NRDE2: variants seen among roughly 807,000 people sequenced by gnomAD.
NRDE2 encodes nuclear exosome regulator NRDE2.
In NRDE2, 76 loss-of-function variants were observed where a neutral mutation model predicts 124.2. That is an observed-to-expected ratio of 0.61 (90% CI 0.51 to 0.74). The LOEUF (loss-of-function observed/expected upper bound fraction) is 0.74. NRDE2 is among the 30% of genes least tolerant of loss of function. The pLI is 0.00. For synonymous variants in NRDE2, 489 were observed against 528.1 expected (o/e 0.93, Z 1.01); for missense variants, 1,314 against 1,417.3 (o/e 0.93, Z 1.17).
At chr14:90,311,612 C>A (rs1884841051) in intron 4 of NRDE2, among the ~76,000 whole-genome samples, 1 of 152,176 alleles carries the variant, frequency 6.6e-6, no homozygotes, top group African/African-American at 2.4e-5. Context: ...CATTAAAATT[C>A]TTTTTCTTTA....
Position 90,268,583 on chromosome 14 carries a change from C to A in NRDE2, c.*9753G>T. The A allele has an allele frequency of 1.6e-6, 1 of 641,440 alleles. No homozygotes were observed. The highest frequency in any genetic ancestry group is 2.7e-6 in the Non-Finnish European group (1 of 370,902). The allele number at this position is 641,440 out of a possible 1,614,324, so 39.7% of individuals were successfully genotyped here. A position where few individuals can be genotyped will look rare whatever the true frequency, so the allele number is the denominator to read the frequency against. ...CTCCCAGGAGCCAGCTAACAACTGC[C>A]CAGTAACTGTGAACGTCTGGAGAGA... On this transcript the variant is annotated 3_prime_UTR_variant, in exon 14 of 14. Transcript: ENST00000354366.
chr14:90,300,689 G>A (rs926695316), intron 7 of NRDE2, among the ~76,000 whole-genome samples: 6 of 149,822 alleles, frequency 4.0e-5, no homozygotes, highest in African/African-American at 1.5e-4. Context: ...AATTTCATTT[G>A]CAACTCTAGC....
intron 4 of NRDE2, among the ~76,000 whole-genome samples, chr14:90,309,291 G>A (rs1032119844): frequency 1.3e-5 from 2 of 150,370 alleles, no homozygotes; most frequent in Middle Eastern, 3.5e-3. Context: ...AAATTTGGGC[G>A]AATTTTAGTG....
rs185017125 is a variant in NRDE2 at position 90,290,295 on chromosome 14, G to A, written c.2155C>T (p.Leu719Phe). The A allele has an allele frequency of 3.5e-5, 56 of 1,614,098 alleles. No individual in the cohort carries two copies. In the East Asian group the frequency reaches 1.2e-3, roughly 34 times the overall value. Residue 719 changes from leucine (L) to phenylalanine (F), a missense_variant, in exon 10 of 14, where the codon CTT becomes TTT. By Grantham distance (22) the Leu-to-Phe change is conservative. Coordinates refer to ENST00000354366, the MANE Select transcript of NRDE2 (RefSeq NM_017970.4). ...GEEFIRNVFH[L>F]VMPLFSGKEK... ...TTGCCTGAAAATAAAGGCATGACAA[G>A]GTGGAAGACATTGCGGATGAACTCC...
intron 4 of NRDE2, among the ~76,000 whole-genome samples, chr14:90,308,500 G>A (rs780294612): frequency 6.6e-6 from 1 of 151,962 alleles, no homozygotes; most frequent in Non-Finnish European, 1.5e-5. Context: ...GTCCATCCAA[G>A]CTTAAAAGAC....
chr14:90,309,940 T>C (rs1451036188), intron 4 of NRDE2, among the ~76,000 whole-genome samples: 2 of 152,202 alleles, frequency 1.3e-5, no homozygotes, highest in Non-Finnish European at 2.9e-5. Context: ...ACTCTCTCCC[T>C]AAGCCTGTGC....
chr14:90,288,103 T>G (rs1274679105), intron 11 of NRDE2, 114 bp downstream of exon 11: 6 of 948,208 alleles, frequency 6.3e-6, no homozygotes, highest in Non-Finnish European at 9.6e-6. Context: ...GCAGGTGTTC[T>G]GGGCACCGTG....
At chr14:90,306,442 C>A (rs931228945) in intron 4 of NRDE2, among the ~76,000 whole-genome samples, 2 of 152,238 alleles carry the variant, frequency 1.3e-5, no homozygotes, top group Non-Finnish European at 2.9e-5. Flanking sequence ...TTCTTTCAGA[C>A]TATCTCATGA....
chr14:90,297,138 C>CA (rs1005635833), intron 8 of NRDE2, among the ~76,000 whole-genome samples: 2,273 of 82,586 alleles, frequency 0.028, 45 homozygotes, highest in African/African-American at 0.084. Flanking sequence ...GACTCTGTCT[C>CA]AAAAAAAAAA....
chr14:90,306,824 T>C (rs945812848), intron 4 of NRDE2, among the ~76,000 whole-genome samples: 1 of 146,380 alleles, frequency 6.8e-6, no homozygotes, highest in Non-Finnish European at 1.5e-5. Context: ...AAAAAAAAAA[T>C]AGCACTAATG....
In NRDE2 at chr14:90,270,534, C is replaced by A; in HGVS notation, c.*7802G>T. 1 of 656,386 alleles carries A rather than the reference C, an allele frequency of 1.5e-6. No individual in the cohort carries two copies. Among genetic ancestry groups the A allele is most frequent in the Non-Finnish European group, 2.4e-6 (1 of 420,146 alleles). The allele number at this position is 656,386 out of a possible 1,614,324, so 40.7% of individuals were successfully genotyped here. On this transcript the variant is annotated 3_prime_UTR_variant, in exon 14 of 14. Transcript: ENST00000354366. The stretch of plus-strand genomic sequence containing the variant: ...CTTGATATTGAAGTCATTCTTAATG[C>A]ATCATTTTATGCAGTGAATGACGCT...
At chr14:90,302,219 C>T (rs181781172) in intron 6 of NRDE2, among the ~76,000 whole-genome samples, 1 of 152,318 alleles carries the variant, frequency 6.6e-6, no homozygotes, top group East Asian at 1.9e-4. Flanking sequence ...AAAAGTGATA[C>T]TCTCTGGCTC....
intron 3 of NRDE2, among the ~76,000 whole-genome samples, chr14:90,315,957 C>CAAAAAAAAA (rs59604203): frequency 6.1e-4 from 45 of 74,302 alleles, no homozygotes; most frequent in South Asian, 1.4e-3. Flanking sequence ...AACCCCGTCT[C>CAAAAAAAAA]AAAAAAAAAA....
At chr14:90,330,457 C>A (rs1199619126) in intron 1 of NRDE2, among the ~76,000 whole-genome samples, 1 of 152,130 alleles carries the variant, frequency 6.6e-6, no homozygotes, top group Admixed American at 6.6e-5. Flanking sequence ...ACTGCCCAAC[C>A]TGATAGAGAT....
rs2139649810 is a variant in NRDE2 at position 90,268,187 on chromosome 14, G to A, written c.*10149C>T. 2.1e-6 allele frequency: 3 copies of A among 1,419,362 alleles called. No homozygotes were observed. The highest frequency in any genetic ancestry group is 1.3e-5 in the South Asian group (1 of 77,270). The allele number at this position is 1,419,362 out of a possible 1,614,324, so 87.9% of individuals were successfully genotyped here. A position where few individuals can be genotyped will look rare whatever the true frequency, so the allele number is the denominator to read the frequency against. On this transcript the variant is annotated 3_prime_UTR_variant, in exon 14 of 14. Coordinates refer to ENST00000354366, the MANE Select transcript of NRDE2 (RefSeq NM_017970.4). ...TTTTTAAGTTAAAATGGCACTTAAG[G>A]TGTCTTTTTTTTTTTTATCTTTTTC...
At chr14:90,301,944 T>C in intron 6 of NRDE2, 1 of 400,140 alleles carries the variant, frequency 2.5e-6, no homozygotes, top group Admixed American at 3.1e-5. Context: ...GTGTGATAAA[T>C]GCTTATATTT....
Position 90,290,320 on chromosome 14 carries a change from C to T in NRDE2, c.2130G>A (p.Glu710=). 1 of 1,614,128 alleles carries T rather than the reference C, an allele frequency of 6.2e-7. No homozygotes were observed. Among genetic ancestry groups the T allele is most frequent in the Non-Finnish European group, 8.5e-7 (1 of 1,180,046 alleles). ...RWTRGQNREG[E]EFIRNVFHLV... The stretch of plus-strand genomic sequence containing the variant: ...GGTGGAAGACATTGCGGATGAACTC[C>T]TCGCCCTCTCGGTTCTGACCCCTGG... Residue 710 remains glutamate, a synonymous_variant, in exon 10 of 14, where the codon GAG becomes GAA. Transcript: ENST00000354366.
rs1343245725 is a variant in NRDE2, at chr14:90,290,658, C to T, written c.1843-51G>A. 7 of 1,542,366 alleles carry T rather than the reference C, an allele frequency of 4.5e-6. No homozygotes were observed. In the South Asian group the frequency reaches 6.2e-5, roughly 14 times the overall value. ...CCCATGTAACAAAACAAAACCCGCA[C>T]ATTTGTCACAATTCTCTTTATATGC... is the stretch of plus-strand genomic sequence containing the variant. On this transcript the variant is annotated intron_variant, in intron 9 of 13. Coordinates refer to ENST00000354366, the MANE Select transcript of NRDE2 (RefSeq NM_017970.4).
chr14:90,292,755 C>A lies in NRDE2; in HGVS notation c.1784G>T (p.Trp595Leu). 2 of 1,614,214 alleles carry A rather than the reference C, an allele frequency of 1.2e-6. No homozygotes were observed. Among genetic ancestry groups the A allele is most frequent in the Non-Finnish European group, 1.7e-6 (2 of 1,180,024 alleles). ...RSRDQRHWRP[W>L]RPDKTKKQTE... Reference sequence around the variant, plus strand: ...TTGCTTCTTGGTCTTATCAGGGCGCCAGGGCCGCCAGTGCCTCTGGTCACG... The same window carrying A: ...TTGCTTCTTGGTCTTATCAGGGCGCAAGGGCCGCCAGTGCCTCTGGTCACG... The change falls in exon 9 of 14, where the codon TGG (tryptophan) becomes TTG (leucine). Residue 595 changes from tryptophan to leucine, a missense_variant. Coordinates refer to ENST00000354366, the MANE Select transcript of NRDE2 (RefSeq NM_017970.4).
Sources: gnomAD v4.1 joint callset for allele counts (sites outside exome capture counted in the v4.1 genomes callset) on GRCh38, gnomAD v4.1.1 for gene constraint, MANE v1.5 for transcripts, NCBI Gene and HGNC (gene_info 2026-07-23, HGNC 2026-07-21) for gene names.